Variants in FBXL20 observed in about 807,000 individuals in gnomAD.
The protein encoded by FBXL20 is F-box/LRR-repeat protein 20.
FBXL20 carries 11 observed loss-of-function variants against 64.0 expected under a neutral mutation model. That is an observed-to-expected ratio of 0.17 (90% CI 0.11 to 0.28). FBXL20 has a LOEUF of 0.28. FBXL20 is among the 10% of genes least tolerant of loss of function. The pLI is 1.00. For synonymous variants in FBXL20, 184 were observed against 189.0 expected, an observed-to-expected ratio of 0.97 and a Z score of 0.22; for missense variants, 303 against 526.2, an observed-to-expected ratio of 0.58 and a Z score of 4.15.
chr17:39,391,514 T>C (rs1238274285), intron 1 of FBXL20, among the ~76,000 whole-genome samples: 1 of 151,904 alleles, frequency 6.6e-6, no homozygotes, highest in Non-Finnish European at 1.5e-5. Context: ...CCAGTAATAC[T>C]AGAACTTCAC....
Position 39,253,546 on chromosome 17 carries a change from A to C in FBXL20, c.*7914T>G, listed in dbSNP as rs2046668938. Reference sequence around the variant, plus strand: ...TCCAAGAGCCACACCATGGTGAGAAAGGACATGGGTAGCTTCTGAGGAGCA... The same window carrying C: ...TCCAAGAGCCACACCATGGTGAGAACGGACATGGGTAGCTTCTGAGGAGCA... On this transcript the variant is annotated 3_prime_UTR_variant, in exon 15 of 15. Coordinates refer to ENST00000264658, the MANE Select transcript of FBXL20 (RefSeq NM_032875.3). The C allele has an allele frequency of 6.6e-6, 1 of 152,362 alleles. No homozygotes were observed. Among genetic ancestry groups the C allele is most frequent in the South Asian group, 2.1e-4 (1 of 4,830 alleles). The allele number at this position is 152,362 out of a possible 1,614,324, so 9.4% of individuals were successfully genotyped here.
chr17:39,344,824 C>A (rs2047617405), intron 1 of FBXL20, among the ~76,000 whole-genome samples: 1 of 152,100 alleles, frequency 6.6e-6, no homozygotes. Flanking sequence ...AAAATATTCT[C>A]TTTCATGTTT....
intron 7 of FBXL20, among the ~76,000 whole-genome samples, chr17:39,283,920 A>ATCCCAGT (rs3079637): frequency 2.0e-4 from 30 of 151,578 alleles, no homozygotes; most frequent in African/African-American, 7.3e-4. Context: ...AAGCCATGAT[A>ATCCCAGT]TCAAGTTCAT....
intron 1 of FBXL20, among the ~76,000 whole-genome samples, chr17:39,391,599 C>T (rs1012909657): frequency 1.2e-4 from 19 of 152,004 alleles, no homozygotes; most frequent in Non-Finnish European, 2.2e-4. Context: ...TTTCATAGTT[C>T]GGAACTGACT....
At chr17:39,365,166 A>C (rs2047847152) in intron 1 of FBXL20, among the ~76,000 whole-genome samples, 1 of 152,206 alleles carries the variant, frequency 6.6e-6, no homozygotes, top group African/African-American at 2.4e-5. Flanking sequence ...TCCAGAGTTG[A>C]AGCTGCAGAA....
intron 1 of FBXL20, among the ~76,000 whole-genome samples, chr17:39,394,852 C>T (rs923393553): frequency 2.0e-5 from 3 of 152,126 alleles, no homozygotes; most frequent in Non-Finnish European, 2.9e-5. Context: ...AGCCACTGTG[C>T]CTGGCCAGAT....
At chr17:39,372,517 A>G (rs1429185880) in intron 1 of FBXL20, among the ~76,000 whole-genome samples, 10 of 64,558 alleles carry the variant, frequency 1.5e-4, no homozygotes, top group South Asian at 6.1e-4. Flanking sequence ...GACTCTGACC[A>G]AAAAAAAAAA....
At chr17:39,317,394 G>A (rs1441849601) in intron 2 of FBXL20, among the ~76,000 whole-genome samples, 1 of 151,926 alleles carries the variant, frequency 6.6e-6, no homozygotes, top group African/African-American at 2.4e-5. Context: ...ACCATGCCTG[G>A]CTAATTTTTA....
intron 1 of FBXL20, among the ~76,000 whole-genome samples, chr17:39,356,324 T>C (rs2047739624): frequency 6.6e-6 from 1 of 151,882 alleles, no homozygotes; most frequent in Non-Finnish European, 1.5e-5. Flanking sequence ...CACAACTTCA[T>C]CTGTCTGCAT....
intron 1 of FBXL20, among the ~76,000 whole-genome samples, chr17:39,395,883 G>A (rs2144685700): frequency 6.6e-6 from 1 of 152,204 alleles, no homozygotes. Context: ...GATCCTGAGA[G>A]GCAACACTCA....
chr17:39,322,475 TAA>T (rs2047366125), intron 2 of FBXL20, among the ~76,000 whole-genome samples: 2 of 152,126 alleles, frequency 1.3e-5, no homozygotes, highest in Non-Finnish European at 2.9e-5. Context: ...TGTGAACATA[TAA>T]ATTTTTAATT....
intron 6 of FBXL20, among the ~76,000 whole-genome samples, chr17:39,289,718 G>A (rs2047020174): frequency 6.6e-6 from 1 of 151,722 alleles, no homozygotes; most frequent in African/African-American, 2.4e-5. Context: ...TATGAGGCCA[G>A]GAGTGGTGAC....
chr17:39,321,182 GGTGGCTCACGCTTGTAATC>G (rs1427951986), intron 2 of FBXL20, among the ~76,000 whole-genome samples: 6 of 152,056 alleles, frequency 3.9e-5, no homozygotes, highest in Admixed American at 3.9e-4. Flanking sequence ...AGCCAGGAAC[GGTGGCTCACGCTTGTAATC>G]CCAGCACTTT....
intron 14 of FBXL20, chr17:39,263,828 T>G (rs1567854719): frequency 5.4e-6 from 1 of 184,106 alleles, no homozygotes; most frequent in Non-Finnish European, 1.1e-5. Flanking sequence ...CCAAACACTT[T>G]CTCTGTTATT....
At chr17:39,292,318 C>A (rs1016549823) in intron 6 of FBXL20, among the ~76,000 whole-genome samples, 2 of 149,964 alleles carry the variant, frequency 1.3e-5, no homozygotes, top group Non-Finnish European at 2.9e-5. Flanking sequence ...TTTTCCCATT[C>A]TTTTAGTTTC....
chr17:39,303,542 T>A, intron 3 of FBXL20, 43 bp downstream of exon 3: 1 of 1,544,334 alleles, frequency 6.5e-7, no homozygotes, highest in Non-Finnish European at 8.8e-7. Flanking sequence ...TTATCATCAG[T>A]ATGAAGAAGG....
intron 12 of FBXL20, among the ~76,000 whole-genome samples, chr17:39,268,369 A>AAT (rs1259772169): frequency 6.6e-6 from 1 of 152,150 alleles, no homozygotes; most frequent in African/African-American, 2.4e-5. Flanking sequence ...AATAATAATA[A>AAT]TAATTAAAAA....
intron 3 of FBXL20, among the ~76,000 whole-genome samples, chr17:39,302,185 T>C (rs1282292068): frequency 6.6e-6 from 1 of 152,012 alleles, no homozygotes; most frequent in Admixed American, 6.6e-5. Context: ...TCACTCTCTT[T>C]TTCTATATAT....
intron 1 of FBXL20, among the ~76,000 whole-genome samples, chr17:39,363,810 C>CAAAAAAAAAAAAAAAAAAAAA: frequency 3.8e-5 from 1 of 26,660 alleles, no homozygotes; most frequent in African/African-American, 2.4e-4. Flanking sequence ...GACTTTATCT[C>CAAAAAAAAAAAAAAAAAAAAA]AAAAAAAAAA....
Sources: allele counts gnomAD v4.1 joint callset (sites outside exome capture counted in the v4.1 genomes callset), GRCh38; gene constraint gnomAD v4.1.1; transcripts MANE v1.5; gene names NCBI Gene and HGNC (gene_info 2026-07-23, HGNC 2026-07-21).